The following RUNDC3B variants were observed in gnomAD, a reference collection of about 807,000 sequenced individuals.
RUNDC3B encodes RUN domain containing 3B, also known as RUN domain-containing protein 3B.
RUNDC3B carries 33 observed loss-of-function variants against 58.4 expected under a neutral mutation model. That is an observed-to-expected ratio of 0.56 (90% confidence interval 0.43 to 0.75). The LOEUF (loss-of-function observed/expected upper bound fraction) is 0.75. RUNDC3B is among the 30% of genes least tolerant of loss of function. The probability of loss-of-function intolerance (pLI) is 0.00; values close to 1 mark genes in which losing one functional copy is unlikely to be tolerated. For missense variants in RUNDC3B, 501 were observed against 535.7 expected (o/e 0.94, Z 0.64); for synonymous variants, 193 against 195.2 (o/e 0.99, Z 0.10).
At position 87,822,669 on chromosome 7, in the gene RUNDC3B, A is replaced by G. The variant is rs187388997; in HGVS notation, c.1225+6407A>G. Reference sequence around the variant, plus strand: ...TCCAACAACAATAGACTGGATTAAGAAAATGTGGCACATATACACCATGGA... The same window carrying G: ...TCCAACAACAATAGACTGGATTAAGGAAATGTGGCACATATACACCATGGA... On this transcript the variant is annotated intron_variant, in intron 10 of 10. Coordinates refer to ENST00000394654, the MANE Select transcript of RUNDC3B (RefSeq NM_001134405.2). Among the ~76,000 whole-genome samples, 1,522 of 152,328 alleles carry G rather than the reference A, an allele frequency of 1.0e-2. 12 individuals are homozygous for G. Among genetic ancestry groups the G allele is most frequent in the Admixed American group, 0.017 (259 of 15,302 alleles).
chr7:87,738,665 A>T (rs935645825), intron 4 of RUNDC3B, among the ~76,000 whole-genome samples: 40 of 152,008 alleles, frequency 2.6e-4, no homozygotes, highest in African/African-American at 9.7e-4. Context: ...TAGCCTTCTT[A>T]AGCAATTCAT....
chr7:87,671,496 T>A (rs1257069194), intron 2 of RUNDC3B, among the ~76,000 whole-genome samples: 1 of 152,140 alleles, frequency 6.6e-6, no homozygotes, highest in Non-Finnish European at 1.5e-5. Flanking sequence ...TGCTGTGGTA[T>A]GTTTGCTCCA....
At chr7:87,697,673 C>T (rs1828608781) in intron 2 of RUNDC3B, among the ~76,000 whole-genome samples, 1 of 152,216 alleles carries the variant, frequency 6.6e-6, no homozygotes, top group African/African-American at 2.4e-5. Context: ...TAATAATTAA[C>T]ACTTATTTTG....
chr7:87,763,679 A>G (rs754326191), intron 6 of RUNDC3B, among the ~76,000 whole-genome samples: 54 of 151,680 alleles, frequency 3.6e-4, no homozygotes, highest in Non-Finnish European at 5.8e-4. Flanking sequence ...AAATACATTT[A>G]ATTTTTAAAG....
chr7:87,800,844 T>C (rs1836108688), intron 8 of RUNDC3B, among the ~76,000 whole-genome samples: 1 of 152,072 alleles, frequency 6.6e-6, no homozygotes, highest in African/African-American at 2.4e-5. Context: ...AGATAGGTTC[T>C]CACTGTGTTG....
At chr7:87,700,798 AT>A (rs1478534450) in intron 3 of RUNDC3B, among the ~76,000 whole-genome samples, 5 of 152,206 alleles carry the variant, frequency 3.3e-5, no homozygotes, top group Non-Finnish European at 7.3e-5. Context: ...TGTCAAAAAT[AT>A]TTTTATATAA....
intron 10 of RUNDC3B, among the ~76,000 whole-genome samples, chr7:87,823,156 C>T (rs543346931): frequency 1.8e-4 from 27 of 152,188 alleles, no homozygotes; most frequent in African/African-American, 6.3e-4. Flanking sequence ...AGGGATCAGG[C>T]CACCTTTAGC....
At chr7:87,777,653 A>G (rs375661194) in intron 7 of RUNDC3B, 145 bp from the exon 8 acceptor site, 1 of 589,468 alleles carries the variant, frequency 1.7e-6, no homozygotes, top group Middle Eastern at 4.7e-4. Flanking sequence ...AATTAAGACA[A>G]ATTTTTTACT....
At chr7:87,823,053 AT>A (rs1001801199) in intron 10 of RUNDC3B, among the ~76,000 whole-genome samples, 4 of 152,174 alleles carry the variant, frequency 2.6e-5, no homozygotes, top group African/African-American at 9.6e-5. Context: ...ATAAAATAAA[AT>A]TAAAAAAAAA....
At chr7:87,716,527 A>G (rs1034529821) in intron 4 of RUNDC3B, among the ~76,000 whole-genome samples, 3 of 152,194 alleles carry the variant, frequency 2.0e-5, no homozygotes, top group African/African-American at 7.2e-5. Flanking sequence ...GCAATGTGCT[A>G]TACACAAAAT....
chr7:87,826,021 T>C (rs1413134384), intron 10 of RUNDC3B, among the ~76,000 whole-genome samples: 1 of 152,144 alleles, frequency 6.6e-6, no homozygotes, highest in African/African-American at 2.4e-5. Context: ...CTGTGGACTT[T>C]TGAATTGATG....
rs985377387 is a variant in RUNDC3B, at chr7:87,830,796, A to C, written c.*766A>C. 6.6e-6 allele frequency: 1 copy of C among 151,720 alleles called. No individual in the cohort carries two copies. The highest frequency in any genetic ancestry group is 2.4e-5 in the African/African-American group (1 of 41,350). 9.4% of individuals were successfully genotyped at this position (151,720 alleles called of 1,614,324 possible). Reference sequence around the variant, plus strand: ...TGATCAAGTATGCCTCAAAAACTAGAAACATTTCAAAATGTAGAACAAACG... The same window carrying C: ...TGATCAAGTATGCCTCAAAAACTAGCAACATTTCAAAATGTAGAACAAACG... On this transcript the variant is annotated 3_prime_UTR_variant, in exon 11 of 11. Coordinates refer to ENST00000394654, the MANE Select transcript of RUNDC3B (RefSeq NM_001134405.2).
intron 7 of RUNDC3B, among the ~76,000 whole-genome samples, chr7:87,772,973 A>G (rs1834363001): frequency 6.6e-6 from 1 of 152,148 alleles, no homozygotes; most frequent in Admixed American, 6.6e-5. Context: ...TTAAACATAG[A>G]CATTAAGGCA....
chr7:87,670,506 T>A (rs1356492295), intron 2 of RUNDC3B, among the ~76,000 whole-genome samples: 1 of 152,212 alleles, frequency 6.6e-6, no homozygotes, highest in Admixed American at 6.6e-5. Context: ...TAAAAACTCT[T>A]GTTGGGGAAT....
chr7:87,814,665 T>C (rs1278449863), intron 9 of RUNDC3B, among the ~76,000 whole-genome samples: 1 of 152,194 alleles, frequency 6.6e-6, no homozygotes, highest in Non-Finnish European at 1.5e-5. Flanking sequence ...ATGTTAGATA[T>C]CATTTTTATT....
At chr7:87,657,472 C>T (rs537736397) in intron 2 of RUNDC3B, among the ~76,000 whole-genome samples, 3 of 152,276 alleles carry the variant, frequency 2.0e-5, no homozygotes, top group Admixed American at 6.5e-5. Context: ...ATTCCGCCCT[C>T]CTGAGGCTAT....
intron 1 of RUNDC3B, among the ~76,000 whole-genome samples, chr7:87,643,366 T>C (rs1338023005): frequency 1.3e-5 from 2 of 152,306 alleles, no homozygotes; most frequent in South Asian, 4.1e-4. Context: ...ACAAAAACAT[T>C]TAACTAGTTG....
chr7:87,801,014 G>T (rs568285508), intron 8 of RUNDC3B, among the ~76,000 whole-genome samples: 1 of 152,170 alleles, frequency 6.6e-6, no homozygotes, highest in South Asian at 2.1e-4. Context: ...ATAATTTTGT[G>T]CATGATACAA....
intron 6 of RUNDC3B, among the ~76,000 whole-genome samples, chr7:87,753,039 T>C (rs1219131757): frequency 6.6e-6 from 1 of 152,210 alleles, no homozygotes. Context: ...CTCTACACAC[T>C]GCTTTGAATG....
Sources: allele counts gnomAD v4.1 joint callset (sites outside exome capture counted in the v4.1 genomes callset), GRCh38; gene constraint gnomAD v4.1.1; transcripts MANE v1.5; gene names NCBI Gene and HGNC (gene_info 2026-07-23, HGNC 2026-07-21).